Variants in CALN1 observed in about 807,000 individuals in gnomAD.
The protein encoded by CALN1 is calcium-binding protein 8.
Under a neutral mutation model 30.6 loss-of-function variants are expected in CALN1, and 17 were observed. The ratio of observed to expected loss-of-function variants is 0.56; its 90% confidence interval spans 0.38 to 0.83. The LOEUF is 0.83. Ranked by LOEUF, CALN1 falls within the 40% of genes least tolerant of loss-of-function variation. The probability of loss-of-function intolerance (pLI) is 0.00; values close to 1 mark genes in which losing one functional copy is unlikely to be tolerated. For synonymous variants in CALN1, 156 were observed against 131.4 expected (o/e 1.19, Z -1.28); for missense variants, 291 against 354.9 (o/e 0.82, Z 1.45).
At chr7:72,380,077 T>C (rs1486446479) in intron 2 of CALN1, among the ~76,000 whole-genome samples, 1 of 152,162 alleles carries the variant, frequency 6.6e-6, no homozygotes, top group Non-Finnish European at 1.5e-5. Context: ...GCAGTGCAGA[T>C]AGTTAGAAAT....
chr7:72,014,862 T>C (rs532882390), intron 5 of CALN1, among the ~76,000 whole-genome samples: 69 of 152,012 alleles, frequency 4.5e-4, no homozygotes, highest in Non-Finnish European at 7.8e-4. Flanking sequence ...AGGATCTTGC[T>C]TTGTTACCCA....
chr7:72,492,305 CAG>C, the CALN1 span, among the ~76,000 whole-genome samples: 17 of 152,356 alleles, frequency 1.1e-4, no homozygotes, highest in African/African-American at 4.1e-4. Flanking sequence ...TACCCAAGGT[CAG>C]AGAGTTAGTG....
chr7:72,119,269 G>A (rs1172207493), intron 3 of CALN1, among the ~76,000 whole-genome samples: 2 of 152,006 alleles, frequency 1.3e-5, no homozygotes, highest in Admixed American at 6.6e-5. Flanking sequence ...GGTAGAAGGT[G>A]AAAGGCATGT....
intron 2 of CALN1, among the ~76,000 whole-genome samples, chr7:72,289,145 G>C (rs1224329169): frequency 6.6e-6 from 1 of 152,092 alleles, no homozygotes; most frequent in Non-Finnish European, 1.5e-5. Flanking sequence ...GAAATCTATA[G>C]GTATACTTGC....
At chr7:71,917,478 T>C (rs973024370) in intron 5 of CALN1, among the ~76,000 whole-genome samples, 1 of 152,192 alleles carries the variant, frequency 6.6e-6, no homozygotes, top group Non-Finnish European at 1.5e-5. Flanking sequence ...TGCTAATTAA[T>C]TGATTGCTGT....
rs1022531090 is a variant in CALN1 at position 72,421,149 on chromosome 7, A to G, written c.-225-8874T>C. The stretch of plus-strand genomic sequence containing the variant: ...ATGGTAATTTATTTCAATAGTTTTT[A>G]GGGTACAGGTGGTTTTTGGTTATAT... On this transcript the variant is annotated intron_variant, in intron 1 of 6. Transcript: ENST00000395276. Among the ~76,000 whole-genome samples, 2 of 152,126 alleles carry G rather than the reference A, an allele frequency of 1.3e-5. 1 individual carries two copies. Among genetic ancestry groups the G allele is most frequent in the East Asian group, 3.9e-4 (2 of 5,190 alleles).
chr7:72,466,240 GGT>G, the CALN1 span, among the ~76,000 whole-genome samples: 203 of 150,042 alleles, frequency 1.4e-3, no homozygotes, highest in Non-Finnish European at 2.3e-3. Context: ...TGAGATGTGT[GGT>G]GTGTGTGTGT....
At chr7:71,877,648 C>T (rs1035205825) in intron 5 of CALN1, among the ~76,000 whole-genome samples, 3 of 150,524 alleles carry the variant, frequency 2.0e-5, no homozygotes, top group African/African-American at 4.9e-5. Flanking sequence ...AAAAAAAAAA[C>T]GATGGAGAAA....
At chr7:72,043,314 T>A (rs137892277) in intron 4 of CALN1, among the ~76,000 whole-genome samples, 1 of 152,254 alleles carries the variant, frequency 6.6e-6, no homozygotes, top group Non-Finnish European at 1.5e-5. Context: ...TTCATTGCCT[T>A]CAGCAGTCCA....
intron 2 of CALN1, among the ~76,000 whole-genome samples, chr7:72,283,477 G>C (rs1038732575): frequency 6.6e-6 from 1 of 152,162 alleles, no homozygotes; most frequent in Non-Finnish European, 1.5e-5. Flanking sequence ...TGAGACTTCA[G>C]AGAGCTATGA....
At chr7:72,216,073 C>G (rs1240182014) in intron 3 of CALN1, among the ~76,000 whole-genome samples, 1 of 152,064 alleles carries the variant, frequency 6.6e-6, no homozygotes. Context: ...CACACTTGAT[C>G]TCAACATCTG....
chr7:72,497,695 ACT>A, the CALN1 span, among the ~76,000 whole-genome samples: 2 of 152,094 alleles, frequency 1.3e-5, no homozygotes, highest in Non-Finnish European at 2.9e-5. Context: ...AGAATTTAAC[ACT>A]CTTCAGAGGA....
intron 5 of CALN1, among the ~76,000 whole-genome samples, chr7:71,865,568 C>T (rs189925080): frequency 3.2e-4 from 49 of 152,308 alleles, no homozygotes; most frequent in Non-Finnish European, 5.6e-4. Flanking sequence ...TTCTTCCCTG[C>T]CTCGTTGGCT....
intron 2 of CALN1, among the ~76,000 whole-genome samples, chr7:72,325,126 C>T (rs1473095886): frequency 6.6e-6 from 1 of 151,784 alleles, no homozygotes; most frequent in Non-Finnish European, 1.5e-5. Flanking sequence ...ATGGTGAAAC[C>T]CCGTCTCTAC....
chr7:72,229,914 G>A (rs543185181), intron 3 of CALN1, among the ~76,000 whole-genome samples: 10 of 152,016 alleles, frequency 6.6e-5, no homozygotes, highest in East Asian at 3.9e-4. Flanking sequence ...AGGCTGAGCC[G>A]CGCGGATCAT....
chr7:72,186,824 T>C (rs1790223524), intron 3 of CALN1, among the ~76,000 whole-genome samples: 3 of 150,886 alleles, frequency 2.0e-5, no homozygotes, highest in African/African-American at 7.3e-5. Flanking sequence ...GATGGACACC[T>C]GTGTTAATTC....
At chr7:72,012,488 G>A (rs889403244) in intron 5 of CALN1, among the ~76,000 whole-genome samples, 11 of 152,214 alleles carry the variant, frequency 7.2e-5, no homozygotes, top group Non-Finnish European at 8.8e-5. Context: ...CTCCAGCCTG[G>A]CAACAGAGTG....
At chr7:72,010,678 T>G (rs922609693) in intron 5 of CALN1, among the ~76,000 whole-genome samples, 3 of 151,192 alleles carry the variant, frequency 2.0e-5, no homozygotes, top group Admixed American at 2.0e-4. Flanking sequence ...CAGCATGTGG[T>G]GGCGCGTGTC....
At chr7:72,434,230 C>T (rs1179380176) in intron 1 of CALN1, among the ~76,000 whole-genome samples, 2 of 151,412 alleles carry the variant, frequency 1.3e-5, no homozygotes, top group African/African-American at 2.4e-5. Context: ...CAGCCAGGCA[C>T]AGTGGCTCAT....
Sources: allele counts gnomAD v4.1 joint callset (sites outside exome capture counted in the v4.1 genomes callset), GRCh38; gene constraint gnomAD v4.1.1; transcripts MANE v1.5; gene names NCBI Gene and HGNC (gene_info 2026-07-23, HGNC 2026-07-21).